The following NKIRAS1 variants were observed in gnomAD, a reference collection of about 807,000 sequenced individuals.
NKIRAS1 encodes the protein NF-kappa-B inhibitor-interacting Ras-like protein 1.
Under a neutral mutation model 19.8 loss-of-function variants are expected in NKIRAS1, and 16 were observed. The observed-to-expected ratio is 0.81, with a 90% CI of 0.55 to 1.23. The LOEUF (loss-of-function observed/expected upper bound fraction) is 1.23. Among genes scored for constraint, NKIRAS1 ranks in the 50% most tolerant of loss-of-function variants. The probability of loss-of-function intolerance (pLI) is 0.00; values close to 1 mark genes in which losing one functional copy is unlikely to be tolerated. For missense variants in NKIRAS1, 184 were observed against 220.0 expected (o/e 0.84, Z 1.04); for synonymous variants, 88 against 79.0 (o/e 1.11, Z -0.61).
At chr3:23,912,538 A>G (rs1210092937) in intron 1 of NKIRAS1, among the ~76,000 whole-genome samples, 1 of 152,186 alleles carries the variant, frequency 6.6e-6, no homozygotes, top group Non-Finnish European at 1.5e-5. Flanking sequence ...AAGTCAGGAA[A>G]CAACAGGTGC....
chr3:23,918,110 C>T (rs1324834756), upstream of NKIRAS1: 3 of 1,493,616 alleles, frequency 2.0e-6, no homozygotes, highest in African/African-American at 2.8e-5. Context: ...GAAGACACTG[C>T]TGCCTCAGTG....
rs764646255 is a variant in NKIRAS1, at chr3:23,900,995, T to G, written c.149A>C (p.Asp50Ala). The change falls in exon 4 of 5, where the codon GAC (aspartate) becomes GCC (alanine). Residue 50 changes from aspartate to alanine, a missense_variant. Transcript: ENST00000425478. ...EDVYMASVET[D>A]RGVKEQLHLY... ...ATGTAACTGTTCTTTTACTCCTCGG[T>G]CTGTTTCTACTGAAGCCATGTATAC... 1.2e-6 allele frequency: 2 copies of G among 1,614,158 alleles called. No individual in the cohort carries two copies. Among genetic ancestry groups the G allele is most frequent in the Non-Finnish European group, 1.7e-6 (2 of 1,180,006 alleles).
chr3:23,902,885 C>A (rs1424951752), intron 3 of NKIRAS1, among the ~76,000 whole-genome samples: 2 of 152,228 alleles, frequency 1.3e-5, no homozygotes, highest in African/African-American at 4.8e-5. Context: ...CACACACATA[C>A]TGAATGTTGA....
intron 4 of NKIRAS1, among the ~76,000 whole-genome samples, chr3:23,898,546 C>T (rs1363194777): frequency 2.0e-5 from 3 of 151,724 alleles, no homozygotes; most frequent in Non-Finnish European, 4.4e-5. Flanking sequence ...GGGTTTCAAG[C>T]GATTCTCCTG....
intron 3 of NKIRAS1, among the ~76,000 whole-genome samples, chr3:23,902,271 T>C (rs532533552): frequency 1.3e-5 from 2 of 152,224 alleles, no homozygotes; most frequent in African/African-American, 4.8e-5. Context: ...CGTTAAGTAT[T>C]AGATTACATA....
intron 3 of NKIRAS1, among the ~76,000 whole-genome samples, chr3:23,909,664 T>C (rs1703445273): frequency 6.6e-6 from 1 of 152,244 alleles, no homozygotes; most frequent in Non-Finnish European, 1.5e-5. Flanking sequence ...CCTCCAGAGA[T>C]GCTATCTTCA....
intron 4 of NKIRAS1, among the ~76,000 whole-genome samples, 165 bp downstream of exon 4, chr3:23,900,641 CAA>C (rs57762803): frequency 7.0e-5 from 8 of 114,132 alleles, no homozygotes; most frequent in Non-Finnish European, 7.0e-5. Flanking sequence ...GACTCCGTCT[CAA>C]AAAAAAAAAA....
At chr3:23,908,421 A>G (rs376426938) in intron 3 of NKIRAS1, among the ~76,000 whole-genome samples, 5 of 152,166 alleles carry the variant, frequency 3.3e-5, no homozygotes, top group East Asian at 1.9e-4. Context: ...TTCCAACTAC[A>G]TATCTGTGTG....
intron 1 of NKIRAS1, among the ~76,000 whole-genome samples, chr3:23,940,848 T>A (rs1705481664): frequency 6.6e-6 from 1 of 152,138 alleles, no homozygotes; most frequent in South Asian, 2.1e-4. Context: ...ACGTCACAAA[T>A]GTCATGATGA....
At chr3:23,893,373 CT>C in intron 4 of NKIRAS1, 36 bp from the exon 5 acceptor site, 1 of 1,573,872 alleles carries the variant, frequency 6.4e-7, no homozygotes, top group Non-Finnish European at 8.6e-7. Context: ...CATACTAGTA[CT>C]TTGCCAACAT....
At chr3:23,919,430 C>T, upstream of NKIRAS1, 1 of 1,604,854 alleles carries the variant, frequency 6.2e-7, no homozygotes, top group Non-Finnish European at 8.5e-7. Context: ...CAAGTTCCAC[C>T]ACACTATTGG....
intron 1 of NKIRAS1, among the ~76,000 whole-genome samples, chr3:23,945,105 G>C (rs1014603112): frequency 6.6e-6 from 1 of 150,940 alleles, no homozygotes; most frequent in Non-Finnish European, 1.5e-5. Flanking sequence ...GGAAGAGGAG[G>C]GGCTCGGCAA....
At chr3:23,942,006 T>G in intron 1 of NKIRAS1, among the ~76,000 whole-genome samples, 1 of 151,720 alleles carries the variant, frequency 6.6e-6, no homozygotes, top group East Asian at 1.9e-4. Flanking sequence ...TGAGACAGAG[T>G]CTCACTCTGT....
At chr3:23,899,161 G>A (rs1266478731) in intron 4 of NKIRAS1, among the ~76,000 whole-genome samples, 1 of 152,150 alleles carries the variant, frequency 6.6e-6, no homozygotes, top group Non-Finnish European at 1.5e-5. Context: ...GTTACCAAGG[G>A]TTAAGGTGGG....
chr3:23,925,028 C>T (rs1019782436), intron 1 of NKIRAS1, among the ~76,000 whole-genome samples: 2 of 152,148 alleles, frequency 1.3e-5, no homozygotes, highest in Non-Finnish European at 2.9e-5. Context: ...AAGAGCATGG[C>T]GTAGAACACC....
intron 4 of NKIRAS1, among the ~76,000 whole-genome samples, chr3:23,899,459 GTTTTGTT>G (rs1035550423): frequency 6.6e-6 from 1 of 151,930 alleles, no homozygotes; most frequent in Non-Finnish European, 1.5e-5. Flanking sequence ...GTTGCTGTTT[GTTTTGTT>G]TTTTGTTTTT....
At chr3:23,938,312 C>T (rs553355130) in intron 1 of NKIRAS1, among the ~76,000 whole-genome samples, 34 of 150,226 alleles carry the variant, frequency 2.3e-4, no homozygotes, top group Non-Finnish European at 4.7e-4. Flanking sequence ...CAGGCTCAAA[C>T]GATCCTCCCA....
rs545975395 is a variant in NKIRAS1, at chr3:23,926,392, T to C, written c.-139-14942A>G. 6.6e-6 allele frequency among the ~76,000 whole-genome samples: 1 copy of C among 152,242 alleles called. No homozygotes were observed. Among genetic ancestry groups the C allele is most frequent in the East Asian group, 1.9e-4 (1 of 5,180 alleles). On this transcript the variant is annotated intron_variant, in intron 1 of 4. Transcript: ENST00000421515. The surrounding 1 kb of genome is among the most constrained non-coding windows in gnomAD (Gnocchi z 4.3). Reference sequence around the variant, plus strand: ...ACCCTTGAAATTCTTCTTTATTTCTTCTTCTTTCTTCTTCCTCCTCCTCCT... The same window carrying C: ...ACCCTTGAAATTCTTCTTTATTTCTCCTTCTTTCTTCTTCCTCCTCCTCCT...
upstream of NKIRAS1, chr3:23,921,689 C>A (rs1407680102): frequency 2.0e-5 from 13 of 664,998 alleles, no homozygotes; most frequent in African/African-American, 5.5e-5. Context: ...ATTCTTCTGC[C>A]TCGGCCTCCC....
Sources: gnomAD v4.1 joint callset for allele counts (sites outside exome capture counted in the v4.1 genomes callset) on GRCh38, gnomAD v4.1.1 for gene constraint, Gnocchi (gnomAD v3.1) non-coding constraint, MANE v1.5 for transcripts, NCBI Gene and HGNC (gene_info 2026-07-23, HGNC 2026-07-21) for gene names.